LUC7L2: variants seen among roughly 807,000 people sequenced by gnomAD.
LUC7L2 encodes the protein putative RNA-binding protein Luc7-like 2.
In LUC7L2, 25 loss-of-function variants were observed where a neutral mutation model predicts 52.8. The observed-to-expected ratio is 0.47, with a 90% CI of 0.34 to 0.66. The LOEUF (loss-of-function observed/expected upper bound fraction) is 0.66, where lower values mean the gene tolerates loss of function less well. Ranked by LOEUF, LUC7L2 falls within the 30% of genes least tolerant of loss-of-function variation. The pLI, the probability that LUC7L2 is intolerant of heterozygous loss-of-function variation, is 0.01. For synonymous variants in LUC7L2, 144 were observed against 160.9 expected (o/e 0.89, Z 0.80); for missense variants, 328 against 497.8 (o/e 0.66, Z 3.25).
chr7:139,407,393 T>G, intron 6 of LUC7L2, 43 bp downstream of exon 6: 1 of 1,570,396 alleles, frequency 6.4e-7, no homozygotes, highest in Non-Finnish European at 8.6e-7. Context: ...CTTGTTCTTT[T>G]GATCTGTATC....
In LUC7L2 at chr7:139,417,541, C is replaced by T. The variant is rs1461450859; in HGVS notation, c.813C>T (p.Ser271=). Reference sequence around the variant, plus strand: ...AAAATCAAATCTTGTCTGGTAGATCCAGGTCCAGAGAGCATCGCAGACATC... The same window carrying T: ...AAAATCAAATCTTGTCTGGTAGATCTAGGTCCAGAGAGCATCGCAGACATC... ...SRSHSKNPKR[S]RSREHRRHRS... is the part of the protein sequence containing the mutation. Residue 271 remains serine, a synonymous_variant, in exon 9 of 10, where the codon TCC becomes TCT. Transcript: ENST00000354926. 3.7e-6 allele frequency: 6 copies of T among 1,608,914 alleles called. No individual in the cohort carries two copies. Among genetic ancestry groups the T allele is most frequent in the Non-Finnish European group, 5.1e-6 (6 of 1,176,006 alleles).
intron 3 of LUC7L2, 54 bp from the exon 4 acceptor site, chr7:139,402,083 T>C (rs188058894): frequency 1.3e-6 from 2 of 1,510,612 alleles, no homozygotes; most frequent in East Asian, 2.4e-5. Context: ...TATGAAGATA[T>C]TTCTGAATAA....
upstream of LUC7L2, among the ~76,000 whole-genome samples, chr7:139,357,002 G>C (rs1799625536): frequency 6.6e-6 from 1 of 152,074 alleles, no homozygotes; most frequent in Non-Finnish European, 1.5e-5. Flanking sequence ...CATATAACTT[G>C]GGATGAGAGT....
At chr7:139,373,599 T>A (rs574687059) in intron 1 of LUC7L2, among the ~76,000 whole-genome samples, 13 of 151,740 alleles carry the variant, frequency 8.6e-5, no homozygotes, top group Admixed American at 3.9e-4. Flanking sequence ...ATAAAAATTT[T>A]AAAAAACACA....
intron 1 of LUC7L2, among the ~76,000 whole-genome samples, chr7:139,368,208 A>G (rs982657567): frequency 1.1e-4 from 17 of 152,268 alleles, no homozygotes; most frequent in South Asian, 4.1e-4. Flanking sequence ...TGCTTTAGTT[A>G]TATCTTTATT....
Position 139,412,580 on chromosome 7 carries a change from G to A in LUC7L2, c.809G>A (p.Arg270Lys), listed in dbSNP as rs752430780. 3 of 1,604,034 alleles carry A rather than the reference G, an allele frequency of 1.9e-6. No homozygotes were observed. Among genetic ancestry groups the A allele is most frequent in the South Asian group, 2.3e-5 (2 of 88,592 alleles). ...CGATCACACAGCAAGAATCCAAAAAGGTAGGTGTATTACATAAGACAGGTA... is the reference window on the plus strand; with the variant it reads ...CGATCACACAGCAAGAATCCAAAAAAGTAGGTGTATTACATAAGACAGGTA... ...RSRSHSKNPK[R>K]SRSREHRRHR... Residue 270 changes from arginine (R) to lysine (K), a missense_variant and splice_region_variant, in exon 8 of 10, where the codon AGA becomes AAA. Coordinates refer to ENST00000354926, the MANE Select transcript of LUC7L2 (RefSeq NM_016019.5).
intron 2 of LUC7L2, among the ~76,000 whole-genome samples, chr7:139,385,781 A>G (rs1339331867): frequency 6.6e-6 from 1 of 152,222 alleles, no homozygotes; most frequent in Non-Finnish European, 1.5e-5. Flanking sequence ...GTCTCAATAA[A>G]TGCTTTTTCC....
chr7:139,374,636 T>G, intron 1 of LUC7L2: 1 of 1,443,494 alleles, frequency 6.9e-7, no homozygotes, highest in East Asian at 2.5e-5. Flanking sequence ...GAGACGAGCT[T>G]CTAGAAAACC....
At chr7:139,404,227 C>A (rs747268152) in intron 4 of LUC7L2, among the ~76,000 whole-genome samples, 1 of 152,038 alleles carries the variant, frequency 6.6e-6, no homozygotes, top group Non-Finnish European at 1.5e-5. Flanking sequence ...CTAAAACCTT[C>A]GGCCGGGCGT....
chr7:139,413,040 A>G (rs759490362), intron 8 of LUC7L2, among the ~76,000 whole-genome samples: 10 of 152,286 alleles, frequency 6.6e-5, no homozygotes, highest in African/African-American at 1.9e-4. Context: ...CAAAATGTTT[A>G]GTATACCCTC....
Position 139,422,263 on chromosome 7 carries a change from A to C in LUC7L2, c.1102A>C (p.Lys368Gln), listed in dbSNP as rs202072515. 2.9e-3 allele frequency: 4,734 copies of C among 1,614,236 alleles called. 22 individuals are homozygous for C. The highest frequency in any genetic ancestry group is 8.4e-3 in the Middle Eastern group (51 of 6,062). ...SPRDRDRKDK[K>Q]RSYESANGRS... The stretch of plus-strand genomic sequence containing the variant: ...TCGTGACAGAGATCGGAAAGATAAG[A>C]AGCGGTCCTATGAGAGTGCTAATGG... The change falls in exon 10 of 10, where the codon AAG becomes CAG. Residue 368 changes from lysine to glutamine, a missense_variant. Transcript: ENST00000354926.
At position 139,423,022 on chromosome 7, in the gene LUC7L2, A is replaced by G. The variant is rs1795964733; in HGVS notation, c.*682A>G. ...TCTGTTCTGTTGAATTGCTATGTTC[A>G]GGATGTTCTAGGGGGTGGGGGCAGG... On this transcript the variant is annotated 3_prime_UTR_variant, in exon 10 of 10. Coordinates refer to ENST00000354926, the MANE Select transcript of LUC7L2 (RefSeq NM_016019.5). 1 of 398,792 alleles carries G rather than the reference A, an allele frequency of 2.5e-6. No homozygotes were observed. 24.7% of individuals were successfully genotyped at this position (398,792 alleles called of 1,614,324 possible).
chr7:139,404,470 C>T (rs1795037643), intron 4 of LUC7L2, among the ~76,000 whole-genome samples: 1 of 152,328 alleles, frequency 6.6e-6, no homozygotes, highest in Middle Eastern at 3.4e-3. Context: ...AATCATGGCA[C>T]TGCACTCCAG....
rs1195436826 is a variant in LUC7L2 at position 139,373,802 on chromosome 7, G to T, written c.62-2260G>T. Among the ~76,000 whole-genome samples the T allele has an allele frequency of 2.0e-5, 3 of 152,166 alleles. No individual in the cohort carries two copies. In the East Asian group the frequency reaches 5.8e-4, roughly 29 times the overall value. On this transcript the variant is annotated intron_variant, in intron 1 of 9. Coordinates refer to ENST00000354926, the MANE Select transcript of LUC7L2 (RefSeq NM_016019.5). Reference sequence around the variant, plus strand: ...CCATGAATACTGATTTTATTCTAAGGCCTGAGCCATTAGTTTAACAAAGCA... The same window carrying T: ...CCATGAATACTGATTTTATTCTAAGTCCTGAGCCATTAGTTTAACAAAGCA...
chr7:139,401,257 AAAGGGT>A (rs1312127555), intron 3 of LUC7L2, among the ~76,000 whole-genome samples: 1 of 152,212 alleles, frequency 6.6e-6, no homozygotes, highest in Non-Finnish European at 1.5e-5. Flanking sequence ...TTAAAAGAAA[AAAGGGT>A]AAAAATGTTC....
chr7:139,401,811 T>C (rs892479906), intron 3 of LUC7L2, among the ~76,000 whole-genome samples: 10 of 150,136 alleles, frequency 6.7e-5, no homozygotes, highest in African/African-American at 2.4e-4. Flanking sequence ...TGGAGTGCAG[T>C]GGCATCATCA....
intron 1 of LUC7L2, chr7:139,375,029 A>G (rs1464922638): frequency 2.0e-6 from 2 of 983,910 alleles, no homozygotes; most frequent in Non-Finnish European, 2.4e-6. Context: ...GTTTTCATTC[A>G]TCGATAATAT....
Position 139,413,523 on chromosome 7 carries a change from A to G in LUC7L2, c.809+943A>G, listed in dbSNP as rs190662632. Among the ~76,000 whole-genome samples the G allele has an allele frequency of 1.8e-3, 275 of 152,320 alleles. 1 individual carries two copies. Among genetic ancestry groups the G allele is most frequent in the African/African-American group, 6.2e-3 (258 of 41,582 alleles). On this transcript the variant is annotated intron_variant, in intron 8 of 9. Coordinates refer to ENST00000354926, the MANE Select transcript of LUC7L2 (RefSeq NM_016019.5). Reference sequence around the variant, plus strand: ...GAGCGCAGTGCCTCACGCTTATACCATCACAGCTCTTTGGGAGGCCGAGGC... The same window carrying G: ...GAGCGCAGTGCCTCACGCTTATACCGTCACAGCTCTTTGGGAGGCCGAGGC...
intron 2 of LUC7L2, among the ~76,000 whole-genome samples, chr7:139,393,793 G>T (rs888865643): frequency 6.6e-6 from 1 of 152,212 alleles, no homozygotes; most frequent in Admixed American, 6.5e-5. Flanking sequence ...CAGTGCCAGA[G>T]TAGATGCTTA....
Sources: allele counts gnomAD v4.1 joint callset (sites outside exome capture counted in the v4.1 genomes callset), GRCh38; gene constraint gnomAD v4.1.1; transcripts MANE v1.5; gene names NCBI Gene and HGNC (gene_info 2026-07-23, HGNC 2026-07-21).